The following ERC2 variants were observed in gnomAD, a reference collection of about 807,000 sequenced individuals.
ERC2 encodes ERC protein 2.
In ERC2, 42 loss-of-function variants were observed where a neutral mutation model predicts 114.8. The ratio of observed to expected loss-of-function variants is 0.37; its 90% CI spans 0.29 to 0.47. The LOEUF (loss-of-function observed/expected upper bound fraction) is 0.47. ERC2 is among the 20% of genes least tolerant of loss of function. The pLI, the probability that ERC2 is intolerant of heterozygous loss-of-function variation, is 0.99. For synonymous variants in ERC2, 454 were observed against 425.5 expected (o/e 1.07, Z -0.82); for missense variants, 939 against 1,150.7 (o/e 0.82, Z 2.66).
At chr3:56,451,099 G>C (rs770481996) in intron 1 of ERC2, among the ~76,000 whole-genome samples, 1 of 152,002 alleles carries the variant, frequency 6.6e-6, no homozygotes, top group Non-Finnish European at 1.5e-5. Flanking sequence ...AATTGGCAAA[G>C]CTTCAGTTAT....
chr3:56,087,733 G>C (rs755386687), intron 6 of ERC2, among the ~76,000 whole-genome samples: 3 of 151,980 alleles, frequency 2.0e-5, no homozygotes, highest in Non-Finnish European at 4.4e-5. Context: ...AATGAAACTG[G>C]AACACTCACA....
intron 17 of ERC2, among the ~76,000 whole-genome samples, chr3:55,626,795 G>A (rs1019107164): frequency 6.6e-5 from 10 of 152,208 alleles, no homozygotes; most frequent in Non-Finnish European, 1.3e-4. Context: ...CAGGTCATAG[G>A]TCCTCTCAGA....
At chr3:56,325,162 CGGCTGGGTGCGGT>C (rs1397561200) in intron 2 of ERC2, among the ~76,000 whole-genome samples, 1 of 151,888 alleles carries the variant, frequency 6.6e-6, no homozygotes, top group African/African-American at 2.4e-5. Context: ...ACTATATACC[CGGCTGGGTGCGGT>C]GGCTCACGTC....
At chr3:55,677,205 C>A (rs566477166) in intron 17 of ERC2, among the ~76,000 whole-genome samples, 1 of 152,066 alleles carries the variant, frequency 6.6e-6, no homozygotes, top group Non-Finnish European at 1.5e-5. Flanking sequence ...CGAAAGAAAC[C>A]CTCTGCTATA....
chr3:55,531,085 G>C (rs1273889947), intron 17 of ERC2, among the ~76,000 whole-genome samples: 1 of 152,068 alleles, frequency 6.6e-6, no homozygotes, highest in African/African-American at 2.4e-5. Flanking sequence ...TTGATGGTTA[G>C]ATTTTTGCTT....
intron 14 of ERC2, among the ~76,000 whole-genome samples, chr3:55,791,969 G>A (rs2070068096): frequency 6.6e-6 from 1 of 152,146 alleles, no homozygotes; most frequent in Admixed American, 6.6e-5. Flanking sequence ...TTTCAAGGCT[G>A]GGCTTTCTCT....
At chr3:56,376,459 C>CA (rs35882741) in intron 2 of ERC2, among the ~76,000 whole-genome samples, 121 of 143,680 alleles carry the variant, frequency 8.4e-4, no homozygotes, top group East Asian at 2.5e-3. Flanking sequence ...TAATTGCTCC[C>CA]AAAAAAAAAA....
chr3:55,911,810 T>C (rs544150594), intron 13 of ERC2, among the ~76,000 whole-genome samples: 1 of 152,348 alleles, frequency 6.6e-6, no homozygotes, highest in Admixed American at 6.5e-5. Context: ...TCATAAGTCA[T>C]AATGCCACAT....
At chr3:55,810,367 A>T (rs1396134113) in intron 14 of ERC2, among the ~76,000 whole-genome samples, 1 of 152,120 alleles carries the variant, frequency 6.6e-6, no homozygotes, top group Non-Finnish European at 1.5e-5. Flanking sequence ...CCAAGTATAT[A>T]ACACACAGAC....
At chr3:55,543,624 T>C (rs1575529616) in intron 17 of ERC2, among the ~76,000 whole-genome samples, 1 of 152,096 alleles carries the variant, frequency 6.6e-6, no homozygotes, top group South Asian at 2.1e-4. Flanking sequence ...TCTCTCTTAG[T>C]TGTAAGAATG....
intron 2 of ERC2, among the ~76,000 whole-genome samples, chr3:56,386,728 C>T (rs2059946498): frequency 1.3e-5 from 2 of 152,152 alleles, no homozygotes; most frequent in Non-Finnish European, 2.9e-5. Context: ...GCACCAGTGA[C>T]ATTGGGAGAC....
intron 12 of ERC2, among the ~76,000 whole-genome samples, chr3:55,974,477 GC>G (rs1258341760): frequency 6.6e-6 from 1 of 152,196 alleles, no homozygotes; most frequent in Non-Finnish European, 1.5e-5. Context: ...TGATGCTGCT[GC>G]GGTTCTCTAA....
intron 2 of ERC2, among the ~76,000 whole-genome samples, chr3:56,408,531 G>C (rs143571557): frequency 6.6e-6 from 1 of 151,764 alleles, no homozygotes; most frequent in Admixed American, 6.6e-5. Context: ...ACACAATTAC[G>C]CTTCGTAATG....
In ERC2 at chr3:55,541,721, G is replaced by A. The variant is rs1232778708; in HGVS notation, c.*40-30445C>T. Among the ~76,000 whole-genome samples, 4 of 152,200 alleles carry A rather than the reference G, an allele frequency of 2.6e-5. No individual in the cohort carries two copies. In the East Asian group the frequency reaches 7.7e-4, roughly 29 times the overall value. On this transcript the variant is annotated intron_variant, in intron 17 of 17. Coordinates refer to ENST00000288221, the MANE Select transcript of ERC2 (RefSeq NM_015576.3). Reference sequence around the variant, plus strand: ...CAGAATCCAAAAATTGTGAGGCTAAGTGTCTACACAAAATGGATTGTCTAG... The same window carrying A: ...CAGAATCCAAAAATTGTGAGGCTAAATGTCTACACAAAATGGATTGTCTAG...
At chr3:55,793,978 T>C (rs2070268994) in intron 14 of ERC2, among the ~76,000 whole-genome samples, 1 of 152,234 alleles carries the variant, frequency 6.6e-6, no homozygotes, top group Non-Finnish European at 1.5e-5. Context: ...TTAGAATTTC[T>C]TTCTGGACCT....
intron 3 of ERC2, among the ~76,000 whole-genome samples, chr3:56,295,438 A>G (rs1414183480): frequency 6.6e-6 from 1 of 152,222 alleles, no homozygotes; most frequent in Non-Finnish European, 1.5e-5. Context: ...AAGGACTTCA[A>G]ATGATTTAAT....
chr3:56,291,838 A>T (rs1295726470), intron 3 of ERC2, among the ~76,000 whole-genome samples: 1 of 151,878 alleles, frequency 6.6e-6, no homozygotes, highest in Middle Eastern at 3.2e-3. Context: ...AAAAAAAAAA[A>T]TACCCTGACA....
chr3:55,548,326 T>C (rs1225118887), intron 17 of ERC2, among the ~76,000 whole-genome samples: 1 of 152,252 alleles, frequency 6.6e-6, no homozygotes, highest in African/African-American at 2.4e-5. Flanking sequence ...TCAGATTAAA[T>C]TTAAATAAAT....
At chr3:55,880,257 T>C (rs2063055527) in intron 14 of ERC2, among the ~76,000 whole-genome samples, 1 of 152,194 alleles carries the variant, frequency 6.6e-6, no homozygotes, top group Non-Finnish European at 1.5e-5. Context: ...AAGCTACTTG[T>C]ATGAGCTTCT....
Sources: allele counts gnomAD v4.1 joint callset (sites outside exome capture counted in the v4.1 genomes callset), GRCh38; gene constraint gnomAD v4.1.1; transcripts MANE v1.5; gene names NCBI Gene and HGNC (gene_info 2026-07-23, HGNC 2026-07-21).